Variants in YAE1 observed in about 807,000 individuals in gnomAD.
YAE1 encodes YAE1 maturation factor of ABCE1, also known as protein YAE1 homolog.
Under a neutral mutation model 23.0 loss-of-function variants are expected in YAE1, and 22 were observed. The observed-to-expected ratio is 0.96, with a 90% CI of 0.68 to 1.37. The LOEUF is 1.37. YAE1 is among the 40% of genes most tolerant of loss of function. YAE1 has a pLI of 0.00. For synonymous variants in YAE1, 101 were observed against 97.0 expected, an observed-to-expected ratio of 1.04 and a Z score of -0.24; for missense variants, 260 against 262.1, an observed-to-expected ratio of 0.99 and a Z score of 0.06.
chr7:39,609,644 C>A (rs1466635017), exon 3 of YAE1: 1 of 1,535,582 alleles, frequency 6.5e-7, no homozygotes, highest in Admixed American at 2.0e-5. Flanking sequence ...GCCTACTGGG[C>A]TTGAGAGCCC....
chr7:39,605,120 G>T (rs1208608272), intron 2 of YAE1, among the ~76,000 whole-genome samples: 2 of 152,174 alleles, frequency 1.3e-5, no homozygotes, highest in Non-Finnish European at 2.9e-5. Flanking sequence ...AAATTTCCAA[G>T]AAGACCGTAT....
chr7:39,599,370 GTTTTTT>G (rs1562596225), intron 2 of YAE1, among the ~76,000 whole-genome samples: 1 of 138,294 alleles, frequency 7.2e-6, no homozygotes, highest in Admixed American at 7.0e-5. Context: ...TTTTTGTTTT[GTTTTTT>G]TGTTTTTGTT....
chr7:39,609,004 T>C (rs1791167921), intron 2 of YAE1, among the ~76,000 whole-genome samples: 1 of 152,194 alleles, frequency 6.6e-6, no homozygotes, highest in African/African-American at 2.4e-5. Context: ...TAAAAATCCT[T>C]CCCATCACTG....
chr7:39,576,455 C>G (rs1390544745), downstream of YAE1, among the ~76,000 whole-genome samples: 1 of 152,180 alleles, frequency 6.6e-6, no homozygotes, highest in African/African-American at 2.4e-5. Context: ...TCCCACCTGC[C>G]TCTTTCCATT....
At chr7:39,576,703 C>T (rs944534865), downstream of YAE1, among the ~76,000 whole-genome samples, 4 of 152,086 alleles carry the variant, frequency 2.6e-5, no homozygotes, top group Non-Finnish European at 4.4e-5. Flanking sequence ...TGTCTCTTCA[C>T]GTTTCTCCAG....
downstream of YAE1, among the ~76,000 whole-genome samples, chr7:39,611,313 C>A (rs1160732564): frequency 6.6e-6 from 1 of 152,180 alleles, no homozygotes; most frequent in Non-Finnish European, 1.5e-5. Flanking sequence ...ATATTTAACT[C>A]CAAGCCTTAA....
intron 2 of YAE1, among the ~76,000 whole-genome samples, chr7:39,581,591 C>T (rs1021968640): frequency 6.6e-6 from 1 of 152,100 alleles, no homozygotes; most frequent in African/African-American, 2.4e-5. Flanking sequence ...CAACTAACCA[C>T]CCTGGCACGG....
intron 2 of YAE1, among the ~76,000 whole-genome samples, chr7:39,589,386 G>T (rs184595161): frequency 3.3e-4 from 50 of 152,112 alleles, no homozygotes; most frequent in Admixed American, 3.1e-3. Context: ...TCCCACCTCA[G>T]CCTCCCAAGT....
intron 2 of YAE1, among the ~76,000 whole-genome samples, chr7:39,598,614 C>G (rs528181770): frequency 1.3e-4 from 19 of 150,540 alleles, no homozygotes; most frequent in African/African-American, 4.6e-4. Context: ...CTATCTCTAC[C>G]AAAAATACAA....
At chr7:39,593,407 C>G (rs939442405) in intron 2 of YAE1, among the ~76,000 whole-genome samples, 1 of 151,680 alleles carries the variant, frequency 6.6e-6, no homozygotes, top group Non-Finnish European at 1.5e-5. Flanking sequence ...GCCACCACGC[C>G]CAGCTAATTT....
At chr7:39,573,917 CTG>C (rs1280378644), downstream of YAE1, among the ~76,000 whole-genome samples, 1 of 152,178 alleles carries the variant, frequency 6.6e-6, no homozygotes, top group Non-Finnish European at 1.5e-5. Flanking sequence ...GGTGTGAAGA[CTG>C]TTTTTCAGAG....
At chr7:39,609,444 T>C (rs1791174247) in intron 2 of YAE1, 1 of 781,942 alleles carries the variant, frequency 1.3e-6, no homozygotes, top group African/African-American at 1.8e-5. Flanking sequence ...CAGAAAGTAA[T>C]GATGTTATCA....
intron 2 of YAE1, among the ~76,000 whole-genome samples, chr7:39,585,210 A>G (rs1427616599): frequency 1.3e-5 from 2 of 152,350 alleles, no homozygotes; most frequent in African/African-American, 4.8e-5. Flanking sequence ...TGTAGAAAAT[A>G]TTATTTAGGA....
chr7:39,602,730 T>TTTTG (rs146264281), intron 2 of YAE1, among the ~76,000 whole-genome samples: 102 of 151,402 alleles, frequency 6.7e-4, no homozygotes, highest in Non-Finnish European at 1.1e-3. Flanking sequence ...AAGTTTGGTT[T>TTTTG]TTTGTTTGTT....
Position 39,570,597 on chromosome 7 carries a change from T to G in YAE1, c.221T>G (p.Leu74Ter). 4 of 1,605,036 alleles carry G rather than the reference T, an allele frequency of 2.5e-6. No homozygotes were observed. The highest frequency in any genetic ancestry group is 1.1e-5 in the South Asian group (1 of 88,540). ...QGYKKGAEVI[L>*]NYGRLRGTLS... The stretch of plus-strand genomic sequence containing the variant: ...TATAAGAAAGGTGCAGAAGTCATTT[T>G]AAACTATGGACGACTCCGAGGAACA... Residue 74 changes from leucine (L) to a stop codon, truncating the protein, a stop_gained, in exon 2 of 3, where the codon TTA (leucine) becomes TGA (stop). Coordinates refer to ENST00000223273, the MANE Select transcript of YAE1 (RefSeq NM_020192.5). LOFTEE classifies it high-confidence loss of function.
chr7:39,610,035 A>G, exon 3 of YAE1: 1 of 1,489,680 alleles, frequency 6.7e-7, no homozygotes, highest in Non-Finnish European at 8.9e-7. Flanking sequence ...AGCCAGCCTC[A>G]GTCCTCAGCA....
At chr7:39,577,600 T>C (rs961934440), downstream of YAE1, among the ~76,000 whole-genome samples, 52 of 152,330 alleles carry the variant, frequency 3.4e-4, no homozygotes, top group African/African-American at 1.2e-3. Flanking sequence ...CTGCCGGCAC[T>C]GCGCTCAAAT....
chr7:39,575,577 A>AGAGAGAGAGAGAGTGAGTGAGTGT (rs1173016799), downstream of YAE1, among the ~76,000 whole-genome samples: 1 of 80,208 alleles, frequency 1.2e-5, no homozygotes, highest in African/African-American at 8.3e-5. Flanking sequence ...AGAGAGAGAG[A>AGAGAGAGAGAGAGTGAGTGAGTGT]GTGAGTGTGT....
At chr7:39,610,043 G>A in exon 3 of YAE1, 1 of 1,469,058 alleles carries the variant, frequency 6.8e-7, no homozygotes, top group Non-Finnish European at 9.0e-7. Context: ...TCAGTCCTCA[G>A]CACCCAGCAC....
Sources: gnomAD v4.1 joint callset for allele counts (sites outside exome capture counted in the v4.1 genomes callset) on GRCh38, gnomAD v4.1.1 for gene constraint, MANE v1.5 for transcripts, NCBI Gene and HGNC (gene_info 2026-07-23, HGNC 2026-07-21) for gene names.